Variants in RBFOX1 observed in about 807,000 individuals in gnomAD.
RBFOX1 encodes RNA binding protein fox-1 homolog 1.
A neutral mutation model predicts 57.7 loss-of-function variants in RBFOX1; 8 were observed. The ratio of observed to expected loss-of-function variants is 0.14; its 90% CI spans 0.08 to 0.25. RBFOX1 has a LOEUF of 0.25. Ranked by LOEUF, RBFOX1 falls within the 10% of genes least tolerant of loss-of-function variation. RBFOX1 has a pLI of 1.00. For missense variants in RBFOX1, 611 were observed against 548.5 expected (o/e 1.11, Z -1.14); for synonymous variants, 326 against 222.4 (o/e 1.47, Z -4.15).
In RBFOX1 at chr16:6,019,664, G is replaced by T. The variant is rs1353209961; in HGVS notation, c.-455G>T. ...ACAGCCAGCCGTGGGCCCCGCCCCG[G>T]CGTCCGGAGCAGGAGAACTCCGAGC... On this transcript the variant is annotated 5_prime_UTR_variant, in exon 1 of 16. Transcript: ENST00000550418. The surrounding 1 kb of genome is among the most constrained non-coding windows in gnomAD (Gnocchi z 4.2). 1.5e-6 allele frequency: 2 copies of T among 1,301,768 alleles called. No individual in the cohort carries two copies. The highest frequency in any genetic ancestry group is 3.1e-5 in the African/African-American group (2 of 64,720). The allele number at this position is 1,301,768 out of a possible 1,614,324, so 80.6% of individuals were successfully genotyped here.
At chr16:5,767,085 A>G (rs954110353) in intron 3 of RBFOX1, among the ~76,000 whole-genome samples, 1 of 152,192 alleles carries the variant, frequency 6.6e-6, no homozygotes, top group Non-Finnish European at 1.5e-5. Flanking sequence ...ACCCTTTAAG[A>G]CAGAAACCGT....
chr16:6,924,571 C>G (rs899461315), intron 3 of RBFOX1, among the ~76,000 whole-genome samples: 1 of 152,068 alleles, frequency 6.6e-6, no homozygotes, highest in East Asian at 1.9e-4. Flanking sequence ...GACACATATC[C>G]AAACTGTATC....
intron 4 of RBFOX1, among the ~76,000 whole-genome samples, chr16:7,381,918 T>C (rs1231311130): frequency 6.6e-6 from 1 of 152,184 alleles, no homozygotes; most frequent in Non-Finnish European, 1.5e-5. Context: ...CCCCACACTG[T>C]GATGCCCAAA....
At chr16:6,932,675 G>A (rs1408890559) in intron 3 of RBFOX1, among the ~76,000 whole-genome samples, 1 of 152,172 alleles carries the variant, frequency 6.6e-6, no homozygotes, top group Admixed American at 6.5e-5. Context: ...ATTCTGAAGT[G>A]CTCAAACACA....
At chr16:5,334,923 G>A (rs1315066869) in intron 1 of RBFOX1, among the ~76,000 whole-genome samples, 1 of 151,974 alleles carries the variant, frequency 6.6e-6, no homozygotes, top group Admixed American at 6.6e-5. Context: ...TGAGTAGCAT[G>A]GAAAGAATAG....
At chr16:6,234,044 A>G (rs2097486370) in intron 1 of RBFOX1, among the ~76,000 whole-genome samples, 1 of 152,142 alleles carries the variant, frequency 6.6e-6, no homozygotes, top group African/African-American at 2.4e-5. Context: ...GTGTCCTCAC[A>G]TGGCAGATGG....
chr16:7,163,883 C>G (rs993683334), intron 4 of RBFOX1, among the ~76,000 whole-genome samples: 2 of 152,108 alleles, frequency 1.3e-5, no homozygotes, highest in African/African-American at 4.8e-5. Context: ...TGGTATCGAA[C>G]TCCTGACCTC....
chr16:7,018,553 C>G (rs939401539), intron 3 of RBFOX1, among the ~76,000 whole-genome samples: 1 of 152,042 alleles, frequency 6.6e-6, no homozygotes, highest in Admixed American at 6.6e-5. Flanking sequence ...TGCATGTGTC[C>G]TTATAGCAGC....
chr16:7,640,583 A>T (rs897568660), intron 11 of RBFOX1, among the ~76,000 whole-genome samples: 2 of 152,236 alleles, frequency 1.3e-5, no homozygotes, highest in Non-Finnish European at 2.9e-5. Flanking sequence ...TGGGATTCCA[A>T]TGCATACACA....
At chr16:6,834,037 G>A (rs1603630274) in intron 3 of RBFOX1, among the ~76,000 whole-genome samples, 2 of 150,824 alleles carry the variant, frequency 1.3e-5, no homozygotes, top group South Asian at 4.2e-4. Context: ...TAAAGGTTGG[G>A]GGTACCTGAT....
intron 3 of RBFOX1, among the ~76,000 whole-genome samples, chr16:7,010,242 A>C (rs8050635): frequency 6.6e-6 from 1 of 152,164 alleles, no homozygotes; most frequent in Non-Finnish European, 1.5e-5. Flanking sequence ...CAGACAACCT[A>C]GAGCTAAATG....
intron 3 of RBFOX1, among the ~76,000 whole-genome samples, chr16:6,791,574 C>G (rs959694691): frequency 2.6e-5 from 4 of 152,176 alleles, no homozygotes; most frequent in African/African-American, 9.6e-5. Context: ...ACCTGGCCAA[C>G]ATGGTGAAAC....
chr16:6,867,224 G>C (rs1034541268), intron 3 of RBFOX1, among the ~76,000 whole-genome samples: 1 of 151,698 alleles, frequency 6.6e-6, no homozygotes, highest in African/African-American at 2.4e-5. Flanking sequence ...CTTTCTGTAG[G>C]GGAAAAAAAA....
chr16:5,483,814 G>T (rs879078636), intron 2 of RBFOX1, among the ~76,000 whole-genome samples: 1 of 152,022 alleles, frequency 6.6e-6, no homozygotes, highest in Admixed American at 6.6e-5. Flanking sequence ...TCTCTGTGTC[G>T]GCATTTGTGC....
At chr16:6,800,915 A>ATCCGTCTTGCCCCT (rs2085283213) in intron 3 of RBFOX1, among the ~76,000 whole-genome samples, 1 of 152,176 alleles carries the variant, frequency 6.6e-6, no homozygotes, top group African/African-American at 2.4e-5. Context: ...TCTGGAAACT[A>ATCCGTCTTGCCCCT]GTTTGCTATC....
At chr16:6,338,987 T>C (rs538864393) in intron 2 of RBFOX1, among the ~76,000 whole-genome samples, 1 of 152,260 alleles carries the variant, frequency 6.6e-6, no homozygotes, top group Non-Finnish European at 1.5e-5. Flanking sequence ...CAGATTTGGG[T>C]AATTCCCAGG....
intron 5 of RBFOX1, among the ~76,000 whole-genome samples, chr16:7,540,255 G>T (rs188210044): frequency 6.6e-6 from 1 of 152,124 alleles, no homozygotes; most frequent in African/African-American, 2.4e-5. Context: ...TGTTTCCCTC[G>T]CTGGAAACTC....
At chr16:5,979,098 A>G (rs1020019784) in intron 4 of RBFOX1, among the ~76,000 whole-genome samples, 21 of 152,338 alleles carry the variant, frequency 1.4e-4, no homozygotes, top group African/African-American at 4.8e-4. Context: ...CTTAAATGAG[A>G]CAGCTGCTTT....
intron 4 of RBFOX1, among the ~76,000 whole-genome samples, chr16:5,974,364 G>A (rs200049690): frequency 3.3e-5 from 5 of 151,904 alleles, no homozygotes; most frequent in Non-Finnish European, 7.4e-5. Context: ...ATCCCAGCAC[G>A]TTGGGAGGCC....
Sources: allele counts gnomAD v4.1 joint callset (sites outside exome capture counted in the v4.1 genomes callset), GRCh38; gene constraint gnomAD v4.1.1; non-coding constraint Gnocchi (gnomAD v3.1); transcripts MANE v1.5; gene names NCBI Gene and HGNC (gene_info 2026-07-23, HGNC 2026-07-21).